EPC2: variants seen among roughly 807,000 people sequenced by gnomAD.
EPC2 encodes the protein enhancer of polycomb homolog 2.
In EPC2, 14 loss-of-function variants were observed where a neutral mutation model predicts 92.1. That is an observed-to-expected ratio of 0.15 (90% CI 0.10 to 0.24). The LOEUF (loss-of-function observed/expected upper bound fraction) is 0.24. Among genes scored for constraint, EPC2 ranks in the 10% least tolerant of loss-of-function variants. EPC2 has a pLI of 1.00. For synonymous variants in EPC2, 340 were observed against 334.7 expected, an observed-to-expected ratio of 1.02 and a Z score of -0.17; for missense variants, 755 against 971.5, an observed-to-expected ratio of 0.78 and a Z score of 2.96.
chr2:148,736,706 T>A (rs1682764409), intron 2 of EPC2, among the ~76,000 whole-genome samples: 3 of 152,296 alleles, frequency 2.0e-5, no homozygotes, highest in East Asian at 1.9e-4. Context: ...TACTTTTTTT[T>A]AATATCAGTT....
chr2:148,707,660 A>G (rs1272780828), intron 2 of EPC2, among the ~76,000 whole-genome samples: 1 of 152,254 alleles, frequency 6.6e-6, no homozygotes, highest in African/African-American at 2.4e-5. Context: ...CTCACACCAC[A>G]GTGCAATCAA....
intron 2 of EPC2, among the ~76,000 whole-genome samples, chr2:148,710,968 A>G (rs79030067): frequency 0.041 from 6,226 of 152,142 alleles, 163 homozygotes; most frequent in South Asian, 0.059. Flanking sequence ...ATCCTCCACT[A>G]TATTTCATTC....
intron 2 of EPC2, among the ~76,000 whole-genome samples, chr2:148,733,806 T>C (rs1682695966): frequency 1.3e-5 from 2 of 152,136 alleles, no homozygotes; most frequent in Admixed American, 6.6e-5. Context: ...ATTATTACTT[T>C]TAAAATTATC....
At chr2:148,698,337 C>A (rs1242119285) in intron 2 of EPC2, among the ~76,000 whole-genome samples, 1 of 152,066 alleles carries the variant, frequency 6.6e-6, no homozygotes, top group African/African-American at 2.4e-5. Context: ...TCATTACTGG[C>A]TTAAGAATCT....
intron 1 of EPC2, among the ~76,000 whole-genome samples, chr2:148,655,824 A>G (rs1443819524): frequency 2.0e-5 from 3 of 152,124 alleles, no homozygotes; most frequent in Non-Finnish European, 4.4e-5. Flanking sequence ...AGATGGTACT[A>G]TAGACAGAAT....
At chr2:148,708,499 C>A (rs1311925166) in intron 2 of EPC2, among the ~76,000 whole-genome samples, 2 of 152,138 alleles carry the variant, frequency 1.3e-5, no homozygotes, top group East Asian at 1.9e-4. Context: ...TTTTATGAGG[C>A]CAGCATCATC....
chr2:148,737,501 TG>T, intron 2 of EPC2, among the ~76,000 whole-genome samples: 1 of 152,208 alleles, frequency 6.6e-6, no homozygotes, highest in Admixed American at 6.5e-5. Context: ...GAAGATTCCA[TG>T]GTTCCATTTG....
intron 1 of EPC2, among the ~76,000 whole-genome samples, chr2:148,689,333 C>T (rs796696214): frequency 2.0e-5 from 3 of 152,136 alleles, no homozygotes; most frequent in Admixed American, 6.5e-5. Flanking sequence ...CCCGCCACTA[C>T]GCCCGGCTAA....
At chr2:148,744,989 G>GTCCC (rs1682952853) in intron 3 of EPC2, among the ~76,000 whole-genome samples, 2 of 46,294 alleles carry the variant, frequency 4.3e-5, no homozygotes, top group African/African-American at 6.2e-5. Context: ...CTATCAGTTT[G>GTCCC]CCCCCCCCCC....
intron 2 of EPC2, among the ~76,000 whole-genome samples, chr2:148,711,637 C>G (rs1574598093): frequency 6.6e-6 from 1 of 152,120 alleles, no homozygotes; most frequent in African/African-American, 2.4e-5. Flanking sequence ...TATGTCCTTA[C>G]TGATTTTTTG....
chr2:148,750,264 T>C (rs1347383031), intron 3 of EPC2, among the ~76,000 whole-genome samples: 2 of 152,138 alleles, frequency 1.3e-5, no homozygotes, highest in Non-Finnish European at 2.9e-5. Context: ...GAAGATCATA[T>C]GTGTTTTAAT....
intron 2 of EPC2, among the ~76,000 whole-genome samples, chr2:148,694,974 T>C (rs1681716737): frequency 6.6e-6 from 1 of 152,234 alleles, no homozygotes; most frequent in Non-Finnish European, 1.5e-5. Context: ...GGTTTCACCA[T>C]GTTGGCCAGG....
At chr2:148,700,157 T>A (rs1364845183) in intron 2 of EPC2, among the ~76,000 whole-genome samples, 2 of 152,210 alleles carry the variant, frequency 1.3e-5, no homozygotes, top group African/African-American at 4.8e-5. Flanking sequence ...GCATATCTTC[T>A]TCCTCTCTGT....
chr2:148,651,697 T>G (rs772110640), intron 1 of EPC2, among the ~76,000 whole-genome samples: 1 of 152,226 alleles, frequency 6.6e-6, no homozygotes, highest in Non-Finnish European at 1.5e-5. Context: ...TTAGCTTTTC[T>G]GAGCCTCAGG....
chr2:148,763,779 G>GT lies in EPC2; in HGVS notation c.948+978dup, dbSNP rs1281790152. The stretch of plus-strand genomic sequence containing the variant: ...AAGTTATCAGTGCAAATGTCATTTT[G>GT]TAAGTTATTTTTAAAAATCCATTTT... On this transcript the variant is annotated intron_variant, in intron 6 of 13. Coordinates refer to ENST00000258484, the MANE Select transcript of EPC2 (RefSeq NM_015630.4). Among the ~76,000 whole-genome samples, 3 of 152,282 alleles carry GT rather than the reference G, an allele frequency of 2.0e-5. No homozygotes were observed. The South Asian group carries it at 6.2e-4, about 32-fold the overall frequency.
chr2:148,758,178 G>A (rs1277013310), intron 4 of EPC2, among the ~76,000 whole-genome samples: 2 of 151,508 alleles, frequency 1.3e-5, no homozygotes, highest in East Asian at 1.9e-4. Context: ...GTGGGTGGGT[G>A]TGGATGGATG....
At chr2:148,765,270 C>A in intron 7 of EPC2, 124 bp downstream of exon 7, 1 of 563,486 alleles carries the variant, frequency 1.8e-6, no homozygotes, top group Non-Finnish European at 2.8e-6. Flanking sequence ...ATAGCATAAA[C>A]ATTTCCACAG....
chr2:148,784,656 TTTC>T lies in EPC2; in HGVS notation c.2018-9_2018-7del. ...CTCATGATACTAGTTGAATGACTTC[TTTC>T]TTTTTCAGGAACCTCTAAAACATTA... On this transcript the variant is annotated splice_polypyrimidine_tract_variant and intron_variant, in intron 12 of 13. Coordinates refer to ENST00000258484, the MANE Select transcript of EPC2 (RefSeq NM_015630.4). The T allele has an allele frequency of 6.4e-7, 1 of 1,561,820 alleles. No individual in the cohort carries two copies. The highest frequency in any genetic ancestry group is 8.7e-7 in the Non-Finnish European group (1 of 1,152,604).
chr2:148,710,549 C>G (rs1039774179), intron 2 of EPC2, among the ~76,000 whole-genome samples: 1 of 152,192 alleles, frequency 6.6e-6, no homozygotes, highest in Non-Finnish European at 1.5e-5. Flanking sequence ...CACATGCATA[C>G]GTATGTTTAT....
Sources: allele counts gnomAD v4.1 joint callset (sites outside exome capture counted in the v4.1 genomes callset), GRCh38; gene constraint gnomAD v4.1.1; transcripts MANE v1.5; gene names NCBI Gene and HGNC (gene_info 2026-07-23, HGNC 2026-07-21).